Variants in BICD1 observed in about 807,000 individuals in gnomAD.
The protein encoded by BICD1 is protein bicaudal D homolog 1.
BICD1 carries 35 observed loss-of-function variants against 92.5 expected under a neutral mutation model. The ratio of observed to expected loss-of-function variants is 0.38; its 90% CI spans 0.29 to 0.50. The LOEUF (loss-of-function observed/expected upper bound fraction) is 0.50, where lower values mean the gene tolerates loss of function less well. Ranked by LOEUF, BICD1 falls within the 20% of genes least tolerant of loss-of-function variation. The pLI is 0.93. For synonymous variants in BICD1, 429 were observed against 465.1 expected (o/e 0.92, Z 1.00); for missense variants, 950 against 1,189.8 (o/e 0.80, Z 2.97).
intron 1 of BICD1, among the ~76,000 whole-genome samples, chr12:32,162,897 G>T (rs1020379056): frequency 6.6e-5 from 10 of 152,240 alleles, no homozygotes; most frequent in Admixed American, 6.5e-4. Context: ...GAGGCAGGAG[G>T]ATTGCTTGAG....
chr12:32,343,399 T>C (rs933650476), intron 8 of BICD1, among the ~76,000 whole-genome samples: 3 of 152,232 alleles, frequency 2.0e-5, no homozygotes, highest in East Asian at 3.9e-4. Context: ...TAATCAATAA[T>C]TGCAATCAGC....
At chr12:32,331,007 G>T (rs1937840141) in intron 5 of BICD1, among the ~76,000 whole-genome samples, 1 of 152,150 alleles carries the variant, frequency 6.6e-6, no homozygotes, top group African/African-American at 2.4e-5. Flanking sequence ...GGTGGCGGGT[G>T]CCTGTAATCC....
chr12:32,204,464 G>A (rs1231710301), intron 1 of BICD1, among the ~76,000 whole-genome samples: 1 of 151,946 alleles, frequency 6.6e-6, no homozygotes, highest in Non-Finnish European at 1.5e-5. Flanking sequence ...CACACTCTCC[G>A]GGGCGGCCAA....
chr12:32,243,264 A>ATTTTTTTTTTTTTTTTTTTTTTTTTTT (rs71068310), intron 2 of BICD1, among the ~76,000 whole-genome samples: 10 of 74,034 alleles, frequency 1.4e-4, no homozygotes, highest in African/African-American at 1.8e-4. Context: ...TGCCTGGCTA[A>ATTTTTTTTTTTTTTTTTTTTTTTTTTT]TTTTTTTTTT....
chr12:32,235,937 G>A (rs946456967), intron 2 of BICD1, among the ~76,000 whole-genome samples: 6 of 146,088 alleles, frequency 4.1e-5, no homozygotes, highest in African/African-American at 8.0e-5. Flanking sequence ...TCTTGACCTC[G>A]TGATCTGCCC....
intron 2 of BICD1, among the ~76,000 whole-genome samples, chr12:32,292,499 A>G (rs937513312): frequency 1.3e-5 from 2 of 152,194 alleles, no homozygotes; most frequent in African/African-American, 4.8e-5. Context: ...GAACCTACAT[A>G]GCATGTTTTT....
At chr12:32,184,459 G>A (rs1309800915) in intron 1 of BICD1, among the ~76,000 whole-genome samples, 1 of 152,024 alleles carries the variant, frequency 6.6e-6, no homozygotes, top group African/African-American at 2.4e-5. Context: ...GCTAATTTTT[G>A]TATCTTTATT....
At chr12:32,343,495 CAT>C (rs1371705667) in intron 8 of BICD1, among the ~76,000 whole-genome samples, 1 of 152,162 alleles carries the variant, frequency 6.6e-6, no homozygotes, top group East Asian at 1.9e-4. Context: ...AGCATTTACA[CAT>C]GATAAATAGG....
intron 1 of BICD1, among the ~76,000 whole-genome samples, chr12:32,189,412 C>A (rs1361540084): frequency 6.6e-6 from 1 of 152,166 alleles, no homozygotes; most frequent in African/African-American, 2.4e-5. Flanking sequence ...TACTCCCTAT[C>A]CTTGCCCTGT....
intron 2 of BICD1, among the ~76,000 whole-genome samples, chr12:32,229,804 A>G (rs565223256): frequency 1.3e-5 from 2 of 152,278 alleles, no homozygotes; most frequent in South Asian, 4.1e-4. Flanking sequence ...CCTTTTTAAG[A>G]TGGAAGAAAT....
intron 5 of BICD1, 27 bp from the exon 6 acceptor site, chr12:32,334,489 T>C (rs1938020184): frequency 1.3e-6 from 2 of 1,579,820 alleles, no homozygotes; most frequent in Admixed American, 3.6e-5. Context: ...ATATGAAAAT[T>C]GTAAGCAGTG....
chr12:32,177,613 C>T (rs1031327988), intron 1 of BICD1, among the ~76,000 whole-genome samples: 17 of 132,728 alleles, frequency 1.3e-4, no homozygotes, highest in East Asian at 4.3e-4. Flanking sequence ...GCTGGAGTGG[C>T]GGAGGTGGTT....
intron 2 of BICD1, among the ~76,000 whole-genome samples, chr12:32,252,051 ATAT>A (rs1437959065): frequency 9.4e-5 from 5 of 53,356 alleles, no homozygotes; most frequent in East Asian, 5.7e-4. Flanking sequence ...TTTATAATAA[ATAT>A]TATATATTAT....
chr12:32,148,660 C>T (rs190503574), intron 1 of BICD1, among the ~76,000 whole-genome samples: 2 of 152,252 alleles, frequency 1.3e-5, no homozygotes, highest in Non-Finnish European at 2.9e-5. Flanking sequence ...GTGAACCCTC[C>T]CTGTATGACC....
At chr12:32,193,247 C>T (rs1052598781) in intron 1 of BICD1, among the ~76,000 whole-genome samples, 2 of 152,216 alleles carry the variant, frequency 1.3e-5, no homozygotes, top group African/African-American at 4.8e-5. Flanking sequence ...AGTCAGCAGG[C>T]CTCAGTAATG....
chr12:32,145,937 A>G (rs1943086451), intron 1 of BICD1, among the ~76,000 whole-genome samples: 1 of 152,196 alleles, frequency 6.6e-6, no homozygotes, highest in South Asian at 2.1e-4. Context: ...CTGAGCATCT[A>G]CTATATGTGA....
intron 1 of BICD1, among the ~76,000 whole-genome samples, chr12:32,134,461 C>G (rs1942659884): frequency 6.6e-6 from 1 of 152,182 alleles, no homozygotes; most frequent in African/African-American, 2.4e-5. Flanking sequence ...GTGGCAGATA[C>G]AGGGATACAG....
chr12:32,275,054 T>G (rs1947240508), intron 2 of BICD1, among the ~76,000 whole-genome samples: 1 of 152,158 alleles, frequency 6.6e-6, no homozygotes, highest in Non-Finnish European at 1.5e-5. Context: ...GATCGCCATA[T>G]GAGATACACA....
chr12:32,190,418 A>G (rs1944534091), intron 1 of BICD1, among the ~76,000 whole-genome samples: 1 of 152,246 alleles, frequency 6.6e-6, no homozygotes. Flanking sequence ...ATTCCACGCA[A>G]ATAGTAATCA....
Sources: gnomAD v4.1 joint callset for allele counts (sites outside exome capture counted in the v4.1 genomes callset) on GRCh38, gnomAD v4.1.1 for gene constraint, MANE v1.5 for transcripts, NCBI Gene and HGNC (gene_info 2026-07-23, HGNC 2026-07-21) for gene names.